The following MSRA variants were observed in gnomAD, a reference collection of about 807,000 sequenced individuals.
The protein encoded by MSRA is methionine sulfoxide reductase A, also known as mitochondrial peptide methionine sulfoxide reductase.
In MSRA, 54 loss-of-function variants were observed where a neutral mutation model predicts 31.3. The observed-to-expected ratio is 1.73, with a 90% CI of 1.39 to 2.17. The LOEUF (loss-of-function observed/expected upper bound fraction) is 2.17, where lower values mean the gene tolerates loss of function less well. Ranked by LOEUF, MSRA falls within the 30% of genes most tolerant of loss-of-function variation. The probability of loss-of-function intolerance (pLI) is 0.00; values close to 1 mark genes in which losing one functional copy is unlikely to be tolerated. For synonymous variants in MSRA, 169 were observed against 116.5 expected, an observed-to-expected ratio of 1.45 and a Z score of -2.90; for missense variants, 507 against 300.9, an observed-to-expected ratio of 1.69 and a Z score of -5.07.
At chr8:10,340,089 T>C (rs1803326894) in intron 5 of MSRA, among the ~76,000 whole-genome samples, 1 of 152,130 alleles carries the variant, frequency 6.6e-6, no homozygotes, top group Non-Finnish European at 1.5e-5. Context: ...AATAATGCTG[T>C]CACAGCCTGG....
chr8:10,316,770 A>T lies in MSRA; in HGVS notation c.437-3113A>T, dbSNP rs1180398249. On this transcript the variant is annotated intron_variant, in intron 4 of 5. Transcript: ENST00000317173. ...AACACCTAAGGTAAAGGCAAGGTGC[A>T]CCAGGAGGTGTCACCTGGATAATAA... Among the ~76,000 whole-genome samples, 5 of 152,170 alleles carry T rather than the reference A, an allele frequency of 3.3e-5. No homozygotes were observed. The East Asian group carries it at 9.6e-4, about 29-fold the overall frequency.
At chr8:10,246,409 T>C (rs937109867) in intron 3 of MSRA, among the ~76,000 whole-genome samples, 3 of 152,196 alleles carry the variant, frequency 2.0e-5, no homozygotes, top group South Asian at 2.1e-4. Flanking sequence ...ATTTGAAATG[T>C]TTTTCTAAAA....
intron 4 of MSRA, among the ~76,000 whole-genome samples, chr8:10,305,343 G>A (rs1270912894): frequency 6.6e-6 from 1 of 151,578 alleles, no homozygotes; most frequent in African/African-American, 2.4e-5. Context: ...GCTTCAAGGT[G>A]CTGAAGCAGC....
chr8:10,358,186 C>A (rs1804621753), intron 5 of MSRA, among the ~76,000 whole-genome samples: 1 of 152,190 alleles, frequency 6.6e-6, no homozygotes, highest in Non-Finnish European at 1.5e-5. Context: ...ACCTTGGCCT[C>A]CCAAAGTGCT....
In MSRA at chr8:10,292,252, C is replaced by T. The variant is rs888659154; in HGVS notation, c.332-9282C>T. Among the ~76,000 whole-genome samples, 5 of 152,102 alleles carry T rather than the reference C, an allele frequency of 3.3e-5. No individual in the cohort carries two copies. In the East Asian group the frequency reaches 5.8e-4, roughly 18 times the overall value. On this transcript the variant is annotated intron_variant, in intron 3 of 5. Coordinates refer to ENST00000317173, the MANE Select transcript of MSRA (RefSeq NM_012331.5). ...GGAGCTGGGGTCCATACAGATGCCCCGTCCGGATGAAGGATAAGTGAGTGG... is the reference window on the plus strand; with the variant it reads ...GGAGCTGGGGTCCATACAGATGCCCTGTCCGGATGAAGGATAAGTGAGTGG...
At chr8:10,297,895 C>T (rs979711863) in intron 3 of MSRA, among the ~76,000 whole-genome samples, 6 of 152,220 alleles carry the variant, frequency 3.9e-5, no homozygotes, top group African/African-American at 1.4e-4. Context: ...ATATTCTTGA[C>T]AGCCTCGTGT....
intron 1 of MSRA, among the ~76,000 whole-genome samples, chr8:10,187,543 A>C (rs1807155767): frequency 6.6e-6 from 1 of 152,170 alleles, no homozygotes; most frequent in African/African-American, 2.4e-5. Context: ...CCAAGGCAAC[A>C]TTGACTTAAT....
intron 1 of MSRA, among the ~76,000 whole-genome samples, chr8:10,115,424 G>T (rs903285380): frequency 1.3e-5 from 2 of 152,176 alleles, no homozygotes; most frequent in Non-Finnish European, 2.9e-5. Context: ...AGGAGGCAAG[G>T]AAAGATCCTT....
chr8:10,274,510 G>A (rs1363183690), intron 3 of MSRA, among the ~76,000 whole-genome samples: 2 of 152,164 alleles, frequency 1.3e-5, no homozygotes, highest in Non-Finnish European at 2.9e-5. Context: ...GGGATAGGAG[G>A]CAGAAGTGGG....
intron 3 of MSRA, among the ~76,000 whole-genome samples, chr8:10,289,276 G>A (rs1200179204): frequency 2.6e-5 from 4 of 152,074 alleles, no homozygotes; most frequent in African/African-American, 7.2e-5. Context: ...GTCTCCCAGA[G>A]TGCTGGGATT....
intron 3 of MSRA, among the ~76,000 whole-genome samples, chr8:10,276,731 T>G (rs1196635876): frequency 1.3e-5 from 2 of 152,214 alleles, no homozygotes; most frequent in Admixed American, 1.3e-4. Flanking sequence ...ATATGCAGCT[T>G]CAATTGTGGG....
intron 1 of MSRA, among the ~76,000 whole-genome samples, chr8:10,174,828 A>G (rs1317031659): frequency 6.6e-6 from 1 of 152,144 alleles, no homozygotes; most frequent in East Asian, 1.9e-4. Context: ...CTTTGTCAAA[A>G]AACAAACTCT....
At chr8:10,109,075 C>T (rs149851318) in intron 1 of MSRA, among the ~76,000 whole-genome samples, 215 of 152,324 alleles carry the variant, frequency 1.4e-3, no homozygotes, top group African/African-American at 4.6e-3. Flanking sequence ...CTGGCCAGCG[C>T]ATTCCCTTTC....
chr8:10,341,656 G>A (rs1803433725), intron 5 of MSRA, among the ~76,000 whole-genome samples: 1 of 152,208 alleles, frequency 6.6e-6, no homozygotes, highest in Non-Finnish European at 1.5e-5. Context: ...GTACCTGTTT[G>A]AGCCTGGATA....
chr8:10,217,158 G>A (rs936356971), intron 2 of MSRA, among the ~76,000 whole-genome samples: 1 of 152,180 alleles, frequency 6.6e-6, no homozygotes, highest in African/African-American at 2.4e-5. Context: ...AAATGTACAC[G>A]TTTGGGGGAA....
chr8:10,254,934 C>T lies in MSRA; in HGVS notation c.331+9711C>T, dbSNP rs188641661. On this transcript the variant is annotated intron_variant, in intron 3 of 5. Coordinates refer to ENST00000317173, the MANE Select transcript of MSRA (RefSeq NM_012331.5). ...AACACGGGATTTCCTTTTCTTTAGC[C>T]GGATGGACTTTACAGGTCATCTGTT... Among the ~76,000 whole-genome samples, 38 of 152,280 alleles carry T rather than the reference C, an allele frequency of 2.5e-4. No homozygotes were observed. In the East Asian group the frequency reaches 4.3e-3, roughly 17 times the overall value.
At chr8:10,137,049 C>T (rs1045278634) in intron 1 of MSRA, among the ~76,000 whole-genome samples, 3 of 152,138 alleles carry the variant, frequency 2.0e-5, no homozygotes, top group Non-Finnish European at 2.9e-5. Context: ...CTGTGATGTG[C>T]GTTGGCCTGA....
At chr8:10,182,846 C>T (rs921756389) in intron 1 of MSRA, among the ~76,000 whole-genome samples, 14 of 152,180 alleles carry the variant, frequency 9.2e-5, no homozygotes, top group African/African-American at 2.9e-4. Context: ...ATCACATAAG[C>T]GGCTGTCCTC....
At chr8:10,280,532 A>G (rs530856637) in intron 3 of MSRA, among the ~76,000 whole-genome samples, 2 of 152,354 alleles carry the variant, frequency 1.3e-5, no homozygotes, top group South Asian at 2.1e-4. Flanking sequence ...AAGCTAGACA[A>G]CTTAAAAAAT....
Sources: gnomAD v4.1 joint callset for allele counts (sites outside exome capture counted in the v4.1 genomes callset) on GRCh38, gnomAD v4.1.1 for gene constraint, MANE v1.5 for transcripts, NCBI Gene and HGNC (gene_info 2026-07-23, HGNC 2026-07-21) for gene names.